Variants in ZFC3H1 observed in about 807,000 individuals in gnomAD.
ZFC3H1 encodes zinc finger C3H1 domain-containing protein.
Under a neutral mutation model 243.7 loss-of-function variants are expected in ZFC3H1, and 71 were observed. The observed-to-expected ratio is 0.29, with a 90% CI of 0.24 to 0.36. The LOEUF is 0.36. Among genes scored for constraint, ZFC3H1 ranks in the 10% least tolerant of loss-of-function variants. ZFC3H1 has a pLI of 1.00. For synonymous variants in ZFC3H1, 838 were observed against 813.0 expected (o/e 1.03, Z -0.52); for missense variants, 1,966 against 2,317.1 (o/e 0.85, Z 3.11).
At chr12:71,629,488 A>T in intron 19 of ZFC3H1, 121 bp downstream of exon 19, 1 of 660,436 alleles carries the variant, frequency 1.5e-6, no homozygotes, top group Non-Finnish European at 2.6e-6. Context: ...GTATTACATT[A>T]AGAACATAAT....
Position 71,656,959 on chromosome 12 carries a change from T to G in ZFC3H1, c.941A>C (p.Lys314Thr). 2 of 1,613,984 alleles carry G rather than the reference T, an allele frequency of 1.2e-6. No individual in the cohort carries two copies. The highest frequency in any genetic ancestry group is 1.7e-6 in the Non-Finnish European group (2 of 1,179,934). Residue 314 changes from lysine to threonine, a missense_variant, in exon 2 of 35, where the codon AAG becomes ACG. Lys to Thr is a moderately conservative substitution (Grantham distance 78, BLOSUM62 -1). This residue lies in a region of ZFC3H1 where 484 missense variants were observed against 449.7 expected (regional missense o/e 1.08). Coordinates refer to ENST00000378743, the MANE Select transcript of ZFC3H1 (RefSeq NM_144982.5). ...ATCTTTAACTTTTTTCAAACGGTTC[T>G]TATCTCCTGGTAAAGTCAATTTTTG... Reference protein sequence around the residue: ...LRQKLTLPGDKNRLKKVKDGA... With the variant: ...LRQKLTLPGDTNRLKKVKDGA...
At position 71,611,075 on chromosome 12, in the gene ZFC3H1, G is replaced by C. The variant is rs201622619; in HGVS notation, c.5752C>G (p.Leu1918Val). 17 of 1,465,912 alleles carry C rather than the reference G, an allele frequency of 1.2e-5. No individual in the cohort carries two copies. In the Admixed American group the frequency reaches 2.6e-4, roughly 22 times the overall value. The allele number at this position is 1,465,912 out of a possible 1,614,324, so 90.8% of individuals were successfully genotyped here. Residue 1918 changes from leucine to valine, a missense_variant, in exon 33 of 35, where the codon CTA becomes GTA. Leu to Val is a conservative substitution (Grantham distance 32). Coordinates refer to ENST00000378743, the MANE Select transcript of ZFC3H1 (RefSeq NM_144982.5). ...TGGCTTACCTCTCTTTGTCCCTTTA[G>C]AACAATCTCAGCAGCAATGGCTCTA... The part of the protein sequence containing the change: ...WKIAIAAEIV[L>V]KGQREVHRLY...
intron 26 of ZFC3H1, among the ~76,000 whole-genome samples, 182 bp downstream of exon 26, chr12:71,619,744 A>G (rs1457501520): frequency 6.6e-6 from 1 of 152,170 alleles, no homozygotes; most frequent in African/African-American, 2.4e-5. Context: ...TTAGTATAGT[A>G]TATATTAAAG....
intron 31 of ZFC3H1, among the ~76,000 whole-genome samples, chr12:71,612,245 T>C (rs1879792328): frequency 6.6e-6 from 1 of 152,024 alleles, no homozygotes; most frequent in Admixed American, 6.6e-5. Flanking sequence ...TCTTAGAGTA[T>C]GATCAGTCTT....
intron 13 of ZFC3H1, 66 bp from the exon 14 acceptor site, chr12:71,633,083 C>T: frequency 6.6e-7 from 1 of 1,508,646 alleles, no homozygotes; most frequent in South Asian, 1.3e-5. Context: ...TTCTTCTTCT[C>T]AAACACCGTG....
At chr12:71,620,753 C>A (rs571526096) in intron 24 of ZFC3H1, among the ~76,000 whole-genome samples, 5 of 152,314 alleles carry the variant, frequency 3.3e-5, no homozygotes, top group Admixed American at 1.3e-4. Flanking sequence ...TAGATCCTTT[C>A]CTTACTCCAT....
chr12:71,662,516 G>T (rs1881209691), intron 1 of ZFC3H1, among the ~76,000 whole-genome samples: 1 of 124,086 alleles, frequency 8.1e-6, no homozygotes, highest in Non-Finnish European at 1.6e-5. Flanking sequence ...CACTTTAAAA[G>T]GCAGCAACCG....
intron 1 of ZFC3H1, chr12:71,660,154 TTTC>T (rs1881127703): frequency 6.6e-6 from 1 of 152,176 alleles, no homozygotes; most frequent in Non-Finnish European, 1.5e-5. Flanking sequence ...ACCTGCATTC[TTTC>T]TTTATACAGT....
At chr12:71,633,937 C>T (rs1034244797) in intron 12 of ZFC3H1, among the ~76,000 whole-genome samples, 1 of 152,136 alleles carries the variant, frequency 6.6e-6, no homozygotes, top group African/African-American at 2.4e-5. Flanking sequence ...TGATTATAGG[C>T]GTGAGCCACC....
At chr12:71,660,253 G>A (rs1215264796) in intron 1 of ZFC3H1, 1 of 152,140 alleles carries the variant, frequency 6.6e-6, no homozygotes, top group Non-Finnish European at 1.5e-5. Flanking sequence ...AAATAAATTT[G>A]AATGAAGTGT....
intron 6 of ZFC3H1, among the ~76,000 whole-genome samples, chr12:71,638,753 T>C (rs1329671684): frequency 6.6e-6 from 1 of 152,132 alleles, no homozygotes; most frequent in East Asian, 1.9e-4. Context: ...ACTCTCACTT[T>C]GTTCCACTTT....
intron 7 of ZFC3H1, 58 bp from the exon 8 acceptor site, chr12:71,637,117 C>A: frequency 7.1e-7 from 1 of 1,404,692 alleles, no homozygotes; most frequent in South Asian, 1.3e-5. Flanking sequence ...AAATGCTTCT[C>A]TCTGCAGCAA....
intron 21 of ZFC3H1, 26 bp from the exon 22 acceptor site, chr12:71,626,472 A>C: frequency 6.4e-7 from 1 of 1,555,670 alleles, no homozygotes; most frequent in Non-Finnish European, 8.7e-7. Flanking sequence ...AAAAGGTGGA[A>C]GTGCTTTTTA....
At chr12:71,614,415 G>T in intron 30 of ZFC3H1, 120 bp downstream of exon 30, 1 of 892,862 alleles carries the variant, frequency 1.1e-6, no homozygotes, top group Non-Finnish European at 1.6e-6. Flanking sequence ...GAATAATAGT[G>T]AATGTTAAGA....
At chr12:71,623,214 C>T in intron 24 of ZFC3H1, 146 bp downstream of exon 24, 1 of 658,392 alleles carries the variant, frequency 1.5e-6, no homozygotes, top group Non-Finnish European at 2.4e-6. Flanking sequence ...ACTTAATTTG[C>T]CTAATAAATT....
chr12:71,619,790 T>C, intron 26 of ZFC3H1, 136 bp downstream of exon 26: 1 of 744,148 alleles, frequency 1.3e-6, no homozygotes, highest in Non-Finnish European at 2.2e-6. Context: ...CTGTACTAAG[T>C]GCTATGGCAA....
intron 8 of ZFC3H1, 56 bp downstream of exon 8, chr12:71,636,794 A>T (rs1336819748): frequency 6.3e-7 from 1 of 1,588,326 alleles, no homozygotes; most frequent in Non-Finnish European, 8.6e-7. Flanking sequence ...AAAAAGTAGG[A>T]CTACCGTAAA....
At chr12:71,647,715 A>G (rs1880763315) in intron 3 of ZFC3H1, 34 bp downstream of exon 3, 1 of 1,243,444 alleles carries the variant, frequency 8.0e-7, no homozygotes, top group African/African-American at 1.6e-5. Context: ...AATGGGTCTT[A>G]CAGAGATGAT....
chr12:71,611,698 T>G (rs758147697), intron 32 of ZFC3H1, 88 bp downstream of exon 32: 3 of 341,538 alleles, frequency 8.8e-6, no homozygotes, highest in Admixed American at 8.9e-5. Flanking sequence ...TATATATATA[T>G]AGATGTCATT....
Sources: allele counts gnomAD v4.1 joint callset (sites outside exome capture counted in the v4.1 genomes callset), GRCh38; gene constraint gnomAD v4.1.1; regional missense constraint gnomAD v4.1.1; transcripts MANE v1.5; gene names NCBI Gene and HGNC (gene_info 2026-07-23, HGNC 2026-07-21).